Variants in KDM4A observed in about 807,000 individuals in gnomAD.
KDM4A encodes lysine demethylase 4A, also known as lysine-specific demethylase 4A.
A neutral mutation model predicts 127.1 loss-of-function variants in KDM4A; 23 were observed. That is an observed-to-expected ratio of 0.18 (90% CI 0.13 to 0.26). KDM4A has a LOEUF of 0.26. Among genes scored for constraint, KDM4A ranks in the 10% least tolerant of loss-of-function variants. The pLI is 1.00. For synonymous variants in KDM4A, 443 were observed against 466.5 expected (o/e 0.95, Z 0.65); for missense variants, 890 against 1,329.1 (o/e 0.67, Z 5.14).
In KDM4A at chr1:43,667,744, C is replaced by T. The variant is rs534650609; in HGVS notation, c.916-28C>T. The T allele has an allele frequency of 3.1e-6, 5 of 1,613,720 alleles. No individual in the cohort carries two copies. The African/African-American group carries it at 4.0e-5, about 13-fold the overall frequency. On this transcript the variant is annotated intron_variant, in intron 8 of 21. Transcript: ENST00000372396. ...GTTGGAAGCAGCAAGGTATGCTCAC[C>T]TGGTGCTCTTCTGGTTCCTGCTGAC...
chr1:43,701,272 G>A (rs1661385438), intron 19 of KDM4A, among the ~76,000 whole-genome samples: 1 of 152,100 alleles, frequency 6.6e-6, no homozygotes, highest in Non-Finnish European at 1.5e-5. Context: ...AAAAAACTTG[G>A]AATTTTGGGA....
intron 2 of KDM4A, among the ~76,000 whole-genome samples, chr1:43,654,095 A>G (rs1660179251): frequency 6.6e-6 from 1 of 152,226 alleles, no homozygotes; most frequent in Non-Finnish European, 1.5e-5. Context: ...TGAGACGACC[A>G]CATCCTCTTT....
In KDM4A at chr1:43,693,037, A is replaced by C. The variant is rs752343547; in HGVS notation, c.2375+726A>C. On this transcript the variant is annotated intron_variant, in intron 16 of 21. Coordinates refer to ENST00000372396, the MANE Select transcript of KDM4A (RefSeq NM_014663.3). The surrounding 1 kb of genome is among the most constrained non-coding windows in gnomAD (Gnocchi z 4.2). ...TGTTCAGTCCAGCCGCCTGCCCTCA[A>C]GAGTCCCAGTTATGCTGTCCCTGAG... Among the ~76,000 whole-genome samples, 4 of 152,190 alleles carry C rather than the reference A, an allele frequency of 2.6e-5. No homozygotes were observed. The highest frequency in any genetic ancestry group is 4.8e-5 in the African/African-American group (2 of 41,454).
At chr1:43,678,710 C>T (rs1294495580) in intron 11 of KDM4A, among the ~76,000 whole-genome samples, 2 of 151,814 alleles carry the variant, frequency 1.3e-5, no homozygotes, top group Admixed American at 1.3e-4. Flanking sequence ...ACCTCAGCCT[C>T]TCAAGTAGTT....
Position 43,654,110 on chromosome 1 carries a change from T to C in KDM4A, c.138+797T>C, listed in dbSNP as rs138144833. On this transcript the variant is annotated intron_variant, in intron 2 of 21. Transcript: ENST00000372396. ...TGAGACGACCACATCCTCTTTCTTA[T>C]CTGCAGATACGGCTACTGCTGGGTT... Among the ~76,000 whole-genome samples, 648 of 152,328 alleles carry C rather than the reference T, an allele frequency of 4.3e-3. 7 individuals carry two copies. Among genetic ancestry groups the C allele is most frequent in the African/African-American group, 0.015 (610 of 41,580 alleles).
rs759608689 is a variant in KDM4A at position 43,691,453 on chromosome 1, C to T, written c.2243-43C>T. 5 of 1,511,470 alleles carry T rather than the reference C, an allele frequency of 3.3e-6. No individual in the cohort carries two copies. In the African/African-American group the frequency reaches 6.9e-5, roughly 21 times the overall value. 93.6% of individuals were successfully genotyped at this position (1,511,470 alleles called of 1,614,324 possible). A position where few individuals can be genotyped will look rare whatever the true frequency, so the allele number is the denominator to read the frequency against. On this transcript the variant is annotated intron_variant, in intron 14 of 21. Coordinates refer to ENST00000372396, the MANE Select transcript of KDM4A (RefSeq NM_014663.3). ...GGAATTGCAAATCTACCTTTTGACT[C>T]TGACCACTGGGTTTAATTTGCTCAT... is the stretch of plus-strand genomic sequence containing the variant.
intron 19 of KDM4A, among the ~76,000 whole-genome samples, chr1:43,701,166 G>A (rs1457877937): frequency 1.3e-5 from 2 of 151,898 alleles, no homozygotes; most frequent in Non-Finnish European, 2.9e-5. Flanking sequence ...TGATCTGCCC[G>A]CCTTGGCCTC....
At chr1:43,689,933 G>A (rs1283218502) in intron 13 of KDM4A, among the ~76,000 whole-genome samples, 3 of 152,232 alleles carry the variant, frequency 2.0e-5, no homozygotes, top group African/African-American at 7.2e-5. Flanking sequence ...GCCTATGAGG[G>A]GAGTGAATGG....
Position 43,693,989 on chromosome 1 carries a change from G to C in KDM4A, c.2376-5G>C, listed in dbSNP as rs1661180768. 11 of 1,613,710 alleles carry C rather than the reference G, an allele frequency of 6.8e-6. No homozygotes were observed. The highest frequency in any genetic ancestry group is 1.7e-5 in the Admixed American group (1 of 60,002). On this transcript the variant is annotated splice_region_variant and splice_polypyrimidine_tract_variant and intron_variant, in intron 16 of 21. Transcript: ENST00000372396. The surrounding 1 kb of genome is among the most constrained non-coding windows in gnomAD (Gnocchi z 4.2). ...GTGACTGAGGGAGCCTTTGCCTTTTGGCAGGTGGGTCCACGTTTCATGTGC... is the reference window on the plus strand; with the variant it reads ...GTGACTGAGGGAGCCTTTGCCTTTTCGCAGGTGGGTCCACGTTTCATGTGC...
At chr1:43,658,725 G>C (rs1012800724) in intron 3 of KDM4A, among the ~76,000 whole-genome samples, 1 of 151,028 alleles carries the variant, frequency 6.6e-6, no homozygotes, top group Middle Eastern at 3.5e-3. Flanking sequence ...GGATGGTCTT[G>C]ATCTCCTGAC....
intron 16 of KDM4A, among the ~76,000 whole-genome samples, chr1:43,692,627 G>A (rs1661143298): frequency 6.6e-6 from 1 of 152,212 alleles, no homozygotes; most frequent in Non-Finnish European, 1.5e-5. Flanking sequence ...GCTGGAGTGA[G>A]GACATTCACC....
intron 11 of KDM4A, among the ~76,000 whole-genome samples, chr1:43,681,018 A>C (rs1660845307): frequency 1.3e-5 from 2 of 152,166 alleles, no homozygotes; most frequent in African/African-American, 4.8e-5. Context: ...TCATAGCTAA[A>C]ATACAATTCT....
chr1:43,681,642 C>A (rs979525326), intron 11 of KDM4A, among the ~76,000 whole-genome samples: 4 of 152,152 alleles, frequency 2.6e-5, no homozygotes, highest in Non-Finnish European at 2.9e-5. Context: ...TTATTCCCAT[C>A]CTTTTTTTCC....
At chr1:43,692,345 G>A (rs376611229) in intron 16 of KDM4A, 34 bp downstream of exon 16, 1 of 1,583,360 alleles carries the variant, frequency 6.3e-7, no homozygotes, top group African/African-American at 1.3e-5. Flanking sequence ...GGAATGCACA[G>A]GCTCAGTTCC....
intron 12 of KDM4A, 69 bp downstream of exon 12, chr1:43,683,873 C>A: frequency 6.4e-7 from 1 of 1,573,012 alleles, no homozygotes. Context: ...GACAGGACAT[C>A]AGAAGGCCAA....
In KDM4A at chr1:43,704,356, G is replaced by A. The variant is rs1193089297; in HGVS notation, c.3181G>A (p.Ala1061Thr). The change falls in exon 22 of 22, where the codon GCC becomes ACC. Residue 1061 changes from alanine to threonine, a missense_variant. Ala to Thr is a moderately conservative substitution (Grantham distance 58). Around this residue, in one of 7 missense-constraint regions of KDM4A, gnomAD observed 246 missense variants for 418.4 expected, o/e 0.59. Coordinates refer to ENST00000372396, the MANE Select transcript of KDM4A (RefSeq NM_014663.3). ...EDYIEPALYR[A>T]IME Reference sequence around the variant, plus strand: ...TTATATTGAGCCTGCACTATACCGGGCCATCATGGAGTAGGTGCTTCCAGG... The same window carrying A: ...TTATATTGAGCCTGCACTATACCGGACCATCATGGAGTAGGTGCTTCCAGG... 6.2e-7 allele frequency: 1 copy of A among 1,613,586 alleles called. No individual in the cohort carries two copies. The highest frequency in any genetic ancestry group is 1.1e-5 in the South Asian group (1 of 91,038).
intron 11 of KDM4A, among the ~76,000 whole-genome samples, chr1:43,672,391 G>A (rs1480833586): frequency 6.6e-6 from 1 of 151,998 alleles, no homozygotes; most frequent in Admixed American, 6.6e-5. Flanking sequence ...GTTTCACCAT[G>A]TTGGCCAGGC....
In KDM4A at chr1:43,697,860, G is replaced by A. The variant is rs1436142743; in HGVS notation, c.2688G>A (p.Leu896=). 1.2e-6 allele frequency: 2 copies of A among 1,613,116 alleles called. No homozygotes were observed. Among genetic ancestry groups the A allele is most frequent in the Non-Finnish European group, 1.7e-6 (2 of 1,179,702 alleles). ...TTTTCCAGCGTGCCAAGGGGGCCTT[G>A]CAAAGCATCACTGCAGGCCAGAAAG... ...IPNLERAKGA[L]QSITAGQKVI... Residue 896 remains leucine (L), a synonymous_variant, in exon 19 of 22, where the codon TTG becomes TTA. Transcript: ENST00000372396.
rs778103579 is a variant in KDM4A at position 43,655,758 on chromosome 1, T to C, written c.306T>C (p.Asn102=). The change falls in exon 3 of 22, where the codon AAT becomes AAC. Residue 102 remains asparagine, a synonymous_variant. Coordinates refer to ENST00000372396, the MANE Select transcript of KDM4A (RefSeq NM_014663.3). The part of the protein sequence containing the change: ...MTVREFRKIA[N]SDKYCTPRYS... ...TTCGAGAGTTCCGCAAGATAGCCAA[T>C]AGCGATAAGTGAGTGGAAACCCTTT... 1.1e-5 allele frequency: 18 copies of C among 1,609,596 alleles called. No homozygotes were observed. In the East Asian group the frequency reaches 2.2e-4, roughly 20 times the overall value.
Sources: allele counts gnomAD v4.1 joint callset (sites outside exome capture counted in the v4.1 genomes callset), GRCh38; gene constraint gnomAD v4.1.1; regional missense constraint gnomAD v4.1.1; non-coding constraint Gnocchi (gnomAD v3.1); transcripts MANE v1.5; gene names NCBI Gene and HGNC (gene_info 2026-07-23, HGNC 2026-07-21).